Variants in DNAH8 observed in about 807,000 individuals in gnomAD.
The protein encoded by DNAH8 is axonemal beta dynein heavy chain 8.
A neutral mutation model predicts 562.1 loss-of-function variants in DNAH8; 382 were observed. The ratio of observed to expected loss-of-function variants is 0.68; its 90% CI spans 0.63 to 0.74. DNAH8 has a LOEUF of 0.74. Ranked by LOEUF, DNAH8 falls within the 30% of genes least tolerant of loss-of-function variation. The pLI is 0.00. For synonymous variants in DNAH8, 1,881 were observed against 1,919.4 expected (o/e 0.98, Z 0.52); for missense variants, 5,203 against 5,620.4 (o/e 0.93, Z 2.37).
chr6:38,822,778 C>A, intron 26 of DNAH8, 60 bp from the exon 27 acceptor site: 2 of 1,183,376 alleles, frequency 1.7e-6, no homozygotes, highest in Non-Finnish European at 1.1e-6. Flanking sequence ...AATATTAAAA[C>A]TGATAATATT....
intron 30 of DNAH8, among the ~76,000 whole-genome samples, 164 bp downstream of exon 30, chr6:38,828,452 A>G (rs1311219419): frequency 1.3e-5 from 2 of 152,202 alleles, no homozygotes; most frequent in African/African-American, 2.4e-5. Flanking sequence ...AGATTATAAT[A>G]CTGTATTTTT....
intron 12 of DNAH8, among the ~76,000 whole-genome samples, chr6:38,775,541 A>G (rs2127630290): frequency 6.6e-6 from 1 of 152,322 alleles, no homozygotes; most frequent in South Asian, 2.1e-4. Context: ...CTCTCTGGAT[A>G]TGATAGAACA....
intron 70 of DNAH8, among the ~76,000 whole-genome samples, chr6:38,918,529 T>G (rs1354042389): frequency 6.6e-6 from 1 of 152,178 alleles, no homozygotes; most frequent in Admixed American, 6.5e-5. Flanking sequence ...GTTTTAAATT[T>G]CAAAGACAGA....
At chr6:38,752,523 T>C (rs1765555518) in intron 9 of DNAH8, among the ~76,000 whole-genome samples, 1 of 152,240 alleles carries the variant, frequency 6.6e-6, no homozygotes, top group African/African-American at 2.4e-5. Flanking sequence ...CTCTAATTTT[T>C]TAAGAAGTAG....
At chr6:38,835,110 A>C (rs1774170785) in intron 32 of DNAH8, among the ~76,000 whole-genome samples, 1 of 151,888 alleles carries the variant, frequency 6.6e-6, no homozygotes, top group African/African-American at 2.4e-5. Flanking sequence ...CTTTTTCTAC[A>C]CTCGGATTGC....
Position 38,873,336 on chromosome 6 carries a change from A to G in DNAH8, c.7580A>G (p.Asn2527Ser), listed in dbSNP as rs769151939. 3.1e-5 allele frequency: 50 copies of G among 1,611,962 alleles called. No homozygotes were observed. The South Asian group carries it at 4.0e-4, about 13-fold the overall frequency. The change falls in exon 52 of 93, where the codon AAT becomes AGT. Residue 2527 changes from asparagine (N) to serine (S), a missense_variant. This residue lies in a region of DNAH8 where 977 missense variants were observed against 1,061.8 expected (regional missense o/e 0.92). Coordinates refer to ENST00000327475, the MANE Select transcript of DNAH8 (RefSeq NM_001206927.2). ...TACACATATATGAAGCTAAATCTCAATCCCAAAATGCAGCTCTTGGAGTGC... is the reference window on the plus strand; with the variant it reads ...TACACATATATGAAGCTAAATCTCAGTCCCAAAATGCAGCTCTTGGAGTGC... ...DTYTYMKLNL[N>S]PKMQLLECNY...
At chr6:38,729,197 C>T (rs868462087) in intron 3 of DNAH8, among the ~76,000 whole-genome samples, 23 of 144,500 alleles carry the variant, frequency 1.6e-4, no homozygotes, top group Admixed American at 4.4e-4. Flanking sequence ...AGCGAAACTC[C>T]GTCTCAAAAC....
chr6:38,913,581 T>A (rs772062251), intron 66 of DNAH8, among the ~76,000 whole-genome samples: 1 of 152,202 alleles, frequency 6.6e-6, no homozygotes, highest in African/African-American at 2.4e-5. Flanking sequence ...CAAACTAATC[T>A]TATTCAATAG....
At chr6:38,845,553 T>C (rs1264517021) in intron 35 of DNAH8, 21 bp from the exon 36 acceptor site, 1 of 1,595,792 alleles carries the variant, frequency 6.3e-7, no homozygotes, top group South Asian at 1.1e-5. Flanking sequence ...TCATGACATA[T>C]ACTTTGCTTT....
chr6:38,960,498 A>T (rs780844244), intron 82 of DNAH8, among the ~76,000 whole-genome samples: 5 of 152,018 alleles, frequency 3.3e-5, no homozygotes, highest in Non-Finnish European at 7.4e-5. Flanking sequence ...AAGACATATA[A>T]ATTGCAAAAA....
chr6:38,842,891 G>A lies in DNAH8; in HGVS notation c.4833G>A (p.Lys1611=), dbSNP rs375838064. 3 of 1,613,554 alleles carry A rather than the reference G, an allele frequency of 1.9e-6. No individual in the cohort carries two copies. Among genetic ancestry groups the A allele is most frequent in the Non-Finnish European group, 2.5e-6 (3 of 1,179,744 alleles). The stretch of plus-strand genomic sequence containing the variant: ...TGGAAGCACCACTCCTTAAACATAA[G>A]GATGATATTGAGGTACATAAGTGTA... The part of the protein sequence containing the change: ...NIMEAPLLKH[K]DDIEDICISA... The change falls in exon 35 of 93, where the codon AAG becomes AAA. Residue 1611 remains lysine (K), a synonymous_variant. Transcript: ENST00000327475.
intron 55 of DNAH8, 134 bp from the exon 56 acceptor site, chr6:38,883,742 T>A: frequency 1.4e-6 from 1 of 711,180 alleles, no homozygotes. Flanking sequence ...TTTAACAACA[T>A]ATATTTTAAT....
At chr6:38,755,932 A>T (rs756716861) in intron 9 of DNAH8, 40 bp from the exon 10 acceptor site, 1 of 1,057,768 alleles carries the variant, frequency 9.5e-7, no homozygotes, top group East Asian at 2.4e-5. Context: ...TTAAAACTAT[A>T]TGCATATGAT....
chr6:38,874,109 C>T (rs1458465137), intron 52 of DNAH8, among the ~76,000 whole-genome samples: 13 of 47,140 alleles, frequency 2.8e-4, no homozygotes, highest in East Asian at 2.9e-3. Flanking sequence ...TTTCTCCTTC[C>T]TTCCTTCCTC....
intron 68 of DNAH8, among the ~76,000 whole-genome samples, chr6:38,915,686 C>T (rs1463224538): frequency 6.6e-6 from 1 of 152,128 alleles, no homozygotes; most frequent in Non-Finnish European, 1.5e-5. Flanking sequence ...TCCAGCATCC[C>T]TTCCAGATTA....
At chr6:38,938,491 C>T (rs540947827) in intron 78 of DNAH8, among the ~76,000 whole-genome samples, 5 of 152,144 alleles carry the variant, frequency 3.3e-5, no homozygotes, top group South Asian at 4.2e-4. Flanking sequence ...AACACAGGAA[C>T]GGAAAACCAA....
At chr6:38,968,524 T>C (rs1271725971) in intron 82 of DNAH8, among the ~76,000 whole-genome samples, 2 of 152,094 alleles carry the variant, frequency 1.3e-5, no homozygotes, top group Middle Eastern at 3.2e-3. Flanking sequence ...AATAAACACA[T>C]GAAAAGATAC....
intron 8 of DNAH8, among the ~76,000 whole-genome samples, chr6:38,743,086 C>T (rs1439047932): frequency 6.2e-5 from 9 of 144,940 alleles, no homozygotes; most frequent in South Asian, 2.2e-4. Context: ...GGCATGATCA[C>T]GGCTCACTGC....
intron 82 of DNAH8, 66 bp downstream of exon 82, chr6:38,951,586 C>A: frequency 2.2e-6 from 3 of 1,385,900 alleles, no homozygotes; most frequent in Non-Finnish European, 3.0e-6. Flanking sequence ...TTTTGCCTTT[C>A]GTAATTTTAT....
Sources: gnomAD v4.1 joint callset for allele counts (sites outside exome capture counted in the v4.1 genomes callset) on GRCh38, gnomAD v4.1.1 for gene constraint, gnomAD v4.1.1 regional missense constraint, MANE v1.5 for transcripts, NCBI Gene and HGNC (gene_info 2026-07-23, HGNC 2026-07-21) for gene names.